FRMD4B: variants seen among roughly 807,000 people sequenced by gnomAD.
FRMD4B encodes the protein FERM domain-containing protein 4B.
A neutral mutation model predicts 141.5 loss-of-function variants in FRMD4B; 74 were observed. That is an observed-to-expected ratio of 0.52 (90% CI 0.43 to 0.63). The LOEUF (loss-of-function observed/expected upper bound fraction) is 0.63, where lower values mean the gene tolerates loss of function less well. Ranked by LOEUF, FRMD4B falls within the 30% of genes least tolerant of loss-of-function variation. The pLI is 0.00. For synonymous variants in FRMD4B, 506 were observed against 467.9 expected, an observed-to-expected ratio of 1.08 and a Z score of -1.05; for missense variants, 1,366 against 1,253.4, an observed-to-expected ratio of 1.09 and a Z score of -1.36.
intron 1 of FRMD4B, among the ~76,000 whole-genome samples, chr3:69,481,041 G>C (rs984422282): frequency 6.6e-6 from 1 of 152,158 alleles, no homozygotes; most frequent in Non-Finnish European, 1.5e-5. Context: ...CTCCTGGTGC[G>C]CCGTTTTTTA....
At chr3:69,296,342 T>C (rs6549196) in intron 4 of FRMD4B, among the ~76,000 whole-genome samples, 22,159 of 151,972 alleles carry the variant, frequency 0.15, 2,781 homozygotes, top group African/African-American at 0.34. Context: ...GCCCAGGGAA[T>C]ACACCGAGAA....
chr3:69,313,436 T>C lies in FRMD4B; in HGVS notation c.228+16A>G, dbSNP rs1485369619. 6.5e-7 allele frequency: 1 copy of C among 1,549,088 alleles called. No homozygotes were observed. The highest frequency in any genetic ancestry group is 8.8e-7 in the Non-Finnish European group (1 of 1,140,708). On this transcript the variant is annotated intron_variant, in intron 2 of 22. Transcript: ENST00000398540. ...GCAAGACTTATCTGGGCAACACACA[T>C]GTGGGCCACACCTACCTGAACCAGC...
At chr3:69,353,623 T>C (rs769444560) in intron 1 of FRMD4B, 41 of 984,864 alleles carry the variant, frequency 4.2e-5, no homozygotes, top group Non-Finnish European at 4.8e-5. Context: ...ATTAAGCACT[T>C]GTGCGGTGTG....
At position 69,257,460 on chromosome 3, in the gene FRMD4B, T is replaced by C. The variant is rs527436357; in HGVS notation, c.502-7361A>G. ...TTACCTTAATGACCACTCTGAGTTA[T>C]GTAAGTGATTGTAACTCCCTCTTTA... On this transcript the variant is annotated intron_variant, in intron 5 of 22. Coordinates refer to ENST00000398540, the MANE Select transcript of FRMD4B (RefSeq NM_015123.3). 2.0e-5 allele frequency among the ~76,000 whole-genome samples: 3 copies of C among 152,324 alleles called. No individual in the cohort carries two copies. The South Asian group carries it at 6.2e-4, about 32-fold the overall frequency.
chr3:69,532,933 C>A (rs1322137570), intron 1 of FRMD4B, among the ~76,000 whole-genome samples: 2 of 152,210 alleles, frequency 1.3e-5, no homozygotes, highest in Non-Finnish European at 2.9e-5. Flanking sequence ...CTGTGACGGG[C>A]CCCATGCTGT....
At position 69,455,722 on chromosome 3, in the gene FRMD4B, T is replaced by A. The variant is rs534399821; in HGVS notation, c.-128-22961A>T. ...CCCCAAGTGTGGCTAGGTGTTTTAA[T>A]TTTTCCAAAGTTTTAACTACGAATT... On this transcript the variant is annotated intron_variant, in intron 1 of 5. Coordinates refer to the FRMD4B transcript ENST00000459638. 3.0e-3 allele frequency among the ~76,000 whole-genome samples: 455 copies of A among 152,344 alleles called. 3 individuals are homozygous for A. The highest frequency in any genetic ancestry group is 5.5e-3 in the Non-Finnish European group (375 of 68,040).
At chr3:69,487,652 G>T (rs1254715835) in intron 1 of FRMD4B, among the ~76,000 whole-genome samples, 1 of 152,158 alleles carries the variant, frequency 6.6e-6, no homozygotes, top group Non-Finnish European at 1.5e-5. Context: ...TCTGTTTGGG[G>T]CCTTTGGTAT....
intron 1 of FRMD4B, among the ~76,000 whole-genome samples, chr3:69,492,922 T>C (rs1706324554): frequency 6.6e-6 from 1 of 152,218 alleles, no homozygotes; most frequent in African/African-American, 2.4e-5. Context: ...CTCTATATTT[T>C]ATGTATGAGT....
intron 8 of FRMD4B, among the ~76,000 whole-genome samples, chr3:69,222,342 C>T (rs1282134529): frequency 6.6e-6 from 1 of 151,492 alleles, no homozygotes; most frequent in Non-Finnish European, 1.5e-5. Flanking sequence ...TGGCATGTGC[C>T]TGTAGTCCCA....
intron 7 of FRMD4B, 71 bp from the exon 8 acceptor site, chr3:69,224,761 G>A (rs2093234063): frequency 1.3e-6 from 1 of 744,468 alleles, no homozygotes; most frequent in South Asian, 1.5e-5. Flanking sequence ...GTCACCAAAT[G>A]AATTAGATTA....
intron 11 of FRMD4B, among the ~76,000 whole-genome samples, chr3:69,201,735 G>A (rs1451124988): frequency 1.3e-5 from 2 of 152,078 alleles, no homozygotes; most frequent in East Asian, 1.9e-4. Flanking sequence ...CTCTACAAAC[G>A]GCAATGGAGC....
At chr3:69,476,682 T>C (rs1414622057) in intron 1 of FRMD4B, among the ~76,000 whole-genome samples, 1 of 152,124 alleles carries the variant, frequency 6.6e-6, no homozygotes, top group Non-Finnish European at 1.5e-5. Flanking sequence ...GACTTGGCAA[T>C]GAGGGCTCTT....
In FRMD4B at chr3:69,314,159, A is replaced by C. The variant is rs1179411886; in HGVS notation, c.163-642T>G. Among the ~76,000 whole-genome samples, 12 of 129,392 alleles carry C rather than the reference A, an allele frequency of 9.3e-5. No individual in the cohort carries two copies. The South Asian group carries it at 1.0e-3, about 11-fold the overall frequency. 84.9% of individuals were successfully genotyped at this position (129,392 alleles called of 152,430 possible). A position where few individuals can be genotyped will look rare whatever the true frequency, so the allele number is the denominator to read the frequency against. On this transcript the variant is annotated intron_variant, in intron 1 of 22. Coordinates refer to ENST00000398540, the MANE Select transcript of FRMD4B (RefSeq NM_015123.3). ...GTCTCAAAAAAAAAAAAAAAAAAAAAAAAAAAAAAAAAAAGCCTCTCCATC... is the reference window on the plus strand; with the variant it reads ...GTCTCAAAAAAAAAAAAAAAAAAAACAAAAAAAAAAAAAAGCCTCTCCATC...
chr3:69,456,319 A>G (rs1705613070), intron 1 of FRMD4B, among the ~76,000 whole-genome samples: 2 of 152,242 alleles, frequency 1.3e-5, no homozygotes, highest in Non-Finnish European at 2.9e-5. Context: ...CAGTTTGATC[A>G]TGCTTAGCAA....
upstream of FRMD4B, among the ~76,000 whole-genome samples, chr3:69,391,062 C>T (rs2170803): frequency 0.67 from 101,933 of 151,696 alleles, 34,395 homozygotes; most frequent in East Asian, 0.7. Flanking sequence ...TTTTACACAG[C>T]CACAATTTCG....
At chr3:69,309,935 T>C (rs949865763) in intron 3 of FRMD4B, among the ~76,000 whole-genome samples, 4 of 152,194 alleles carry the variant, frequency 2.6e-5, no homozygotes, top group Non-Finnish European at 5.9e-5. Flanking sequence ...TCAGCCTATG[T>C]GTGTGCGTGT....
At chr3:69,176,786 G>T in intron 21 of FRMD4B, 130 bp from the exon 22 acceptor site, 2 of 629,018 alleles carry the variant, frequency 3.2e-6, no homozygotes, top group Non-Finnish European at 5.5e-6. Flanking sequence ...AAATAACAGA[G>T]TTCCTATTCC....
intron 2 of FRMD4B, among the ~76,000 whole-genome samples, chr3:69,396,245 G>C (rs1423494631): frequency 6.6e-6 from 1 of 152,178 alleles, no homozygotes; most frequent in African/African-American, 2.4e-5. Context: ...GGTGGCTCAT[G>C]CCTGTAATCC....
At chr3:69,241,074 A>T (rs1250314763) in intron 7 of FRMD4B, among the ~76,000 whole-genome samples, 1 of 152,202 alleles carries the variant, frequency 6.6e-6, no homozygotes, top group African/African-American at 2.4e-5. Flanking sequence ...TGAGAACTCA[A>T]ATGGGTCAAG....
Sources: gnomAD v4.1 joint callset for allele counts (sites outside exome capture counted in the v4.1 genomes callset) on GRCh38, gnomAD v4.1.1 for gene constraint, MANE v1.5 for transcripts, NCBI Gene and HGNC (gene_info 2026-07-23, HGNC 2026-07-21) for gene names.